ATAD1: variants seen among roughly 807,000 people sequenced by gnomAD.
ATAD1 encodes ATPase family AAA domain containing 1.
A neutral mutation model predicts 42.7 loss-of-function variants in ATAD1; 18 were observed. That is an observed-to-expected ratio of 0.42 (90% confidence interval 0.29 to 0.63). ATAD1 has a LOEUF of 0.63. ATAD1 is among the 20% of genes least tolerant of loss of function. ATAD1 has a pLI of 0.19. For synonymous variants in ATAD1, 132 were observed against 143.1 expected, an observed-to-expected ratio of 0.92 and a Z score of 0.55; for missense variants, 294 against 440.4, an observed-to-expected ratio of 0.67 and a Z score of 2.98.
chr10:87,822,923 A>G (rs151077635), upstream of ATAD1, among the ~76,000 whole-genome samples: 248 of 152,172 alleles, frequency 1.6e-3, 1 homozygote, highest in African/African-American at 5.8e-3. Context: ...CACACCTACT[A>G]TGTACCCATA....
At chr10:87,791,926 T>C (rs1301817939) in intron 3 of ATAD1, among the ~76,000 whole-genome samples, 1 of 152,186 alleles carries the variant, frequency 6.6e-6, no homozygotes, top group African/African-American at 2.4e-5. Flanking sequence ...AAACCTGGGA[T>C]TTAGTATCCT....
At chr10:87,783,230 GTGTGGTAGCACACACC>G (rs1855654895) in intron 5 of ATAD1, among the ~76,000 whole-genome samples, 1 of 152,018 alleles carries the variant, frequency 6.6e-6, no homozygotes, top group Non-Finnish European at 1.5e-5. Flanking sequence ...AATTAGTGGT[GTGTGGTAGCACACACC>G]TGTGGTCCCA....
At chr10:87,814,331 G>A in intron 2 of ATAD1, 107 bp downstream of exon 2, 1 of 1,002,794 alleles carries the variant, frequency 1.0e-6, no homozygotes, top group Non-Finnish European at 1.4e-6. Flanking sequence ...TTTCATGTGG[G>A]TCTTATAGAA....
intron 2 of ATAD1, among the ~76,000 whole-genome samples, chr10:87,799,058 AAG>A (rs1856554290): frequency 1.3e-5 from 2 of 152,224 alleles, no homozygotes; most frequent in Non-Finnish European, 2.9e-5. Flanking sequence ...ATCAGGAAAA[AAG>A]AGAAGACTCG....
At chr10:87,756,481 AGTCT>A (rs1854228225) in intron 9 of ATAD1, among the ~76,000 whole-genome samples, 1 of 152,228 alleles carries the variant, frequency 6.6e-6, no homozygotes, top group Non-Finnish European at 1.5e-5. Flanking sequence ...ATTGAGGTCT[AGTCT>A]TCAATATCTC....
intron 1 of ATAD1, among the ~76,000 whole-genome samples, chr10:87,828,091 T>G (rs1209213519): frequency 6.6e-6 from 1 of 151,932 alleles, no homozygotes; most frequent in Non-Finnish European, 1.5e-5. Flanking sequence ...CCAAGTAGCT[T>G]GTACTACAGG....
chr10:87,812,423 G>A (rs776281281), intron 2 of ATAD1, among the ~76,000 whole-genome samples: 1 of 151,972 alleles, frequency 6.6e-6, no homozygotes, highest in Non-Finnish European at 1.5e-5. Context: ...CACTACGTCC[G>A]GCTAATGTTT....
intron 2 of ATAD1, among the ~76,000 whole-genome samples, chr10:87,811,486 A>C (rs921240967): frequency 8.5e-5 from 13 of 152,186 alleles, no homozygotes; most frequent in South Asian, 8.3e-4. Flanking sequence ...TAAATAAAGG[A>C]AATGTATCAA....
intron 5 of ATAD1, among the ~76,000 whole-genome samples, chr10:87,783,921 T>A (rs1234522948): frequency 6.7e-6 from 1 of 149,350 alleles, no homozygotes; most frequent in African/African-American, 2.5e-5. Context: ...AATAATAAAC[T>A]GTAAAAAAAA....
In ATAD1 at chr10:87,799,793, T is replaced by A. The variant is rs543200020; in HGVS notation, c.163-7038A>T. Among the ~76,000 whole-genome samples the A allele has an allele frequency of 2.1e-4, 30 of 145,186 alleles. No individual in the cohort carries two copies. In the East Asian group the frequency reaches 5.0e-3, roughly 24 times the overall value. On this transcript the variant is annotated intron_variant, in intron 2 of 9. Transcript: ENST00000680024. ...ATATTGTAGAAAAATATTTTTTTTT[T>A]TAAAAAGTGTGTCCTTTTTAAAAAG...
chr10:87,824,129 A>G (rs149683691), intron 1 of ATAD1, among the ~76,000 whole-genome samples: 14 of 151,680 alleles, frequency 9.2e-5, no homozygotes, highest in African/African-American at 3.2e-4. Context: ...GGATGCCTAG[A>G]ACATAGGAGA....
Position 87,753,321 on chromosome 10 carries a change from A to G in ATAD1, c.*1366T>C, listed in dbSNP as rs1181927540. 1 of 152,218 alleles carries G rather than the reference A, an allele frequency of 6.6e-6. No individual in the cohort carries two copies. The highest frequency in any genetic ancestry group is 1.5e-5 in the Non-Finnish European group (1 of 68,024). The allele number at this position is 152,218 out of a possible 1,614,324, so 9.4% of individuals were successfully genotyped here. The stretch of plus-strand genomic sequence containing the variant: ...ACAACTGAAGAATAAACGATCTAAC[A>G]GATTCTTGTGAGACACATTATCAGA... On this transcript the variant is annotated 3_prime_UTR_variant, in exon 10 of 10. Transcript: ENST00000680024.
At position 87,752,125 on chromosome 10, in the gene ATAD1, T is replaced by C. The variant is rs1200660767; in HGVS notation, c.*2562A>G. 6.6e-6 allele frequency: 1 copy of C among 152,044 alleles called. No individual in the cohort carries two copies. The highest frequency in any genetic ancestry group is 1.5e-5 in the Non-Finnish European group (1 of 68,016). 9.4% of individuals were successfully genotyped at this position (152,044 alleles called of 1,614,324 possible). A position where few individuals can be genotyped will look rare whatever the true frequency, so the allele number is the denominator to read the frequency against. On this transcript the variant is annotated 3_prime_UTR_variant, in exon 10 of 10. Coordinates refer to ENST00000680024, the MANE Select transcript of ATAD1 (RefSeq NM_001321967.2). ...CCTGCAGGTAGGGGGTTGGCTGAGA[T>C]TAAAAGGAGAAACATAGTAAAGGAG...
At chr10:87,765,714 T>C (rs948433867) in intron 8 of ATAD1, among the ~76,000 whole-genome samples, 4 of 152,098 alleles carry the variant, frequency 2.6e-5, no homozygotes, top group African/African-American at 9.7e-5. Flanking sequence ...CCCTAAAGAA[T>C]GCAAATTAAA....
Position 87,796,812 on chromosome 10 carries a change from T to TATG in ATAD1, c.163-4058_163-4057insCAT, listed in dbSNP as rs1273995714. Among the ~76,000 whole-genome samples the TATG allele has an allele frequency of 7.6e-4, 116 of 152,332 alleles. 4 individuals are homozygous for TATG. The South Asian group carries it at 0.024, about 31-fold the overall frequency. On this transcript the variant is annotated intron_variant, in intron 2 of 9. Coordinates refer to ENST00000680024, the MANE Select transcript of ATAD1 (RefSeq NM_001321967.2). ...TATGGCTCAAACCGATAGTACTATTTGCTGATGTCTGTGAGTATCCCCTCC... is the reference window on the plus strand; with the variant it reads ...TATGGCTCAAACCGATAGTACTATTTATGGCTGATGTCTGTGAGTATCCCCTCC...
chr10:87,790,439 A>C lies in ATAD1; in HGVS notation c.262-9T>G. On this transcript the variant is annotated splice_polypyrimidine_tract_variant and intron_variant, in intron 3 of 9. Coordinates refer to ENST00000680024, the MANE Select transcript of ATAD1 (RefSeq NM_001321967.2). ...ATATCACTCCAAGTAACCTGGCAAA[A>C]GTTAAGGTCAACATGAATTTTACTA... 6.3e-7 allele frequency: 1 copy of C among 1,591,622 alleles called. No homozygotes were observed. The highest frequency in any genetic ancestry group is 8.5e-7 in the Non-Finnish European group (1 of 1,174,682).
chr10:87,766,701 C>T (rs1414545537), intron 8 of ATAD1, among the ~76,000 whole-genome samples: 1 of 151,870 alleles, frequency 6.6e-6, no homozygotes, highest in African/African-American at 2.4e-5. Flanking sequence ...ATCCCAGCTA[C>T]TCAGGAGGCT....
intron 8 of ATAD1, among the ~76,000 whole-genome samples, chr10:87,764,353 T>C (rs933270558): frequency 6.6e-6 from 1 of 152,022 alleles, no homozygotes; most frequent in African/African-American, 2.4e-5. Flanking sequence ...TCCCAGCTAC[T>C]CGGGAAGCTG....
chr10:87,767,844 G>T (rs931677197), intron 7 of ATAD1, 121 bp from the exon 8 acceptor site: 1 of 936,678 alleles, frequency 1.1e-6, no homozygotes, highest in African/African-American at 1.7e-5. Flanking sequence ...GGAGATGACA[G>T]AAACTTTGAA....
Sources: allele counts gnomAD v4.1 joint callset (sites outside exome capture counted in the v4.1 genomes callset), GRCh38; gene constraint gnomAD v4.1.1; transcripts MANE v1.5; gene names NCBI Gene and HGNC (gene_info 2026-07-23, HGNC 2026-07-21).